KLHL7: variants seen among roughly 807,000 people sequenced by gnomAD.
KLHL7 encodes the protein kelch like family member 7, also known as kelch-like protein 7.
A neutral mutation model predicts 67.4 loss-of-function variants in KLHL7; 44 were observed. The ratio of observed to expected loss-of-function variants is 0.65; its 90% CI spans 0.51 to 0.84. The LOEUF (loss-of-function observed/expected upper bound fraction) is 0.84, where lower values mean the gene tolerates loss of function less well. Among genes scored for constraint, KLHL7 ranks in the 40% least tolerant of loss-of-function variants. The probability of loss-of-function intolerance (pLI) is 0.00; values close to 1 mark genes in which losing one functional copy is unlikely to be tolerated. For synonymous variants in KLHL7, 252 were observed against 243.3 expected (o/e 1.04, Z -0.33); for missense variants, 362 against 718.1 (o/e 0.50, Z 5.67).
chr7:23,144,489 T>A (rs879774291), intron 6 of KLHL7, among the ~76,000 whole-genome samples: 2 of 152,234 alleles, frequency 1.3e-5, no homozygotes, highest in Non-Finnish European at 2.9e-5. Flanking sequence ...TAAAATTGTC[T>A]ATACAATTAA....
At chr7:23,157,997 G>A (rs1784756890) in intron 7 of KLHL7, among the ~76,000 whole-genome samples, 1 of 152,144 alleles carries the variant, frequency 6.6e-6, no homozygotes, top group Non-Finnish European at 1.5e-5. Flanking sequence ...ACAGGGTCTT[G>A]CTCTGTCACC....
intron 4 of KLHL7, among the ~76,000 whole-genome samples, chr7:23,126,576 G>C (rs1783581846): frequency 6.6e-6 from 1 of 152,192 alleles, no homozygotes; most frequent in Non-Finnish European, 1.5e-5. Flanking sequence ...CGCAAAGACT[G>C]ATGCAAAGGG....
chr7:23,129,132 G>C (rs4440529), intron 4 of KLHL7: 77,107 of 162,348 alleles, frequency 0.47, 21,704 homozygotes, highest in African/African-American at 0.81. Context: ...CAGGTCAGAC[G>C]AAAGCCCTAC....
At chr7:23,141,064 A>G (rs978990521) in intron 5 of KLHL7, 120 bp downstream of exon 5, 9 of 898,804 alleles carry the variant, frequency 1.0e-5, no homozygotes, top group Non-Finnish European at 1.4e-5. Context: ...TGTTCTTTAC[A>G]CTAAACAGAG....
chr7:23,113,487 T>C (rs1782959389), intron 1 of KLHL7, among the ~76,000 whole-genome samples: 1 of 152,206 alleles, frequency 6.6e-6, no homozygotes, highest in Admixed American at 6.5e-5. Context: ...AAAGACTAAT[T>C]GCTGAGATTA....
At chr7:23,123,174 C>T (rs1783420005) in intron 1 of KLHL7, among the ~76,000 whole-genome samples, 1 of 152,162 alleles carries the variant, frequency 6.6e-6, no homozygotes, top group South Asian at 2.1e-4. Context: ...AAACTGGCTG[C>T]TATCCAGCTT....
intron 4 of KLHL7, among the ~76,000 whole-genome samples, chr7:23,131,300 T>C (rs115859317): frequency 0.023 from 3,569 of 152,298 alleles, 134 homozygotes; most frequent in African/African-American, 0.076. Flanking sequence ...TTTGGCCCTT[T>C]TTTCCCAGGA....
intron 1 of KLHL7, among the ~76,000 whole-genome samples, chr7:23,111,754 A>G (rs1305022477): frequency 2.8e-5 from 4 of 142,184 alleles, no homozygotes; most frequent in Non-Finnish European, 4.5e-5. Flanking sequence ...CCCGGGAGGC[A>G]GAGGTTGTGG....
rs780496430 is a variant in KLHL7 at position 23,174,007 on chromosome 7, T to C, written c.1478-8T>C. 3.1e-6 allele frequency: 5 copies of C among 1,613,432 alleles called. No individual in the cohort carries two copies. In the African/African-American group the frequency reaches 6.7e-5, roughly 22 times the overall value. On this transcript the variant is annotated splice_region_variant and splice_polypyrimidine_tract_variant and intron_variant, in intron 10 of 10. Transcript: ENST00000339077. ...TTTTCATGTTGTTCATGTTTTATTC[T>C]TTTGAAGGTGGTCTGGACAATGTGG... is the stretch of plus-strand genomic sequence containing the variant.
At chr7:23,135,719 C>G (rs1300263595) in intron 4 of KLHL7, among the ~76,000 whole-genome samples, 3 of 152,224 alleles carry the variant, frequency 2.0e-5, no homozygotes, top group Non-Finnish European at 4.4e-5. Context: ...GGCTTCCTTT[C>G]TGCTGCCCTG....
chr7:23,134,337 T>C (rs1783901715), intron 4 of KLHL7, among the ~76,000 whole-genome samples: 1 of 152,220 alleles, frequency 6.6e-6, no homozygotes, highest in South Asian at 2.1e-4. Flanking sequence ...TAATGTGTTG[T>C]TGAATTTGGT....
At chr7:23,166,686 A>G (rs540153456) in intron 8 of KLHL7, among the ~76,000 whole-genome samples, 1 of 152,304 alleles carries the variant, frequency 6.6e-6, no homozygotes, top group Non-Finnish European at 1.5e-5. Flanking sequence ...AAAAATCACT[A>G]TTTCCTAAAT....
chr7:23,121,909 G>C (rs548051545), intron 1 of KLHL7, among the ~76,000 whole-genome samples: 45 of 152,048 alleles, frequency 3.0e-4, no homozygotes, highest in Non-Finnish European at 4.4e-4. Flanking sequence ...GTCTCAATCT[G>C]CTGACCTTGT....
At chr7:23,171,119 A>T (rs1244880495) in intron 9 of KLHL7, 1 of 295,326 alleles carries the variant, frequency 3.4e-6, no homozygotes, top group Non-Finnish European at 6.9e-6. Flanking sequence ...GTTGGCCAGG[A>T]TGGCCTCCAT....
intron 8 of KLHL7, 81 bp from the exon 9 acceptor site, chr7:23,167,755 A>G: frequency 7.9e-7 from 1 of 1,271,548 alleles, no homozygotes; most frequent in South Asian, 1.2e-5. Context: ...TCCTTCCTTA[A>G]CTAATAAGAT....
At chr7:23,171,626 A>C (rs987245567) in intron 9 of KLHL7, among the ~76,000 whole-genome samples, 4 of 152,266 alleles carry the variant, frequency 2.6e-5, no homozygotes, top group African/African-American at 9.6e-5. Flanking sequence ...TTAAAACAAT[A>C]CATAAATGTA....
At chr7:23,109,499 T>G (rs1029999957) in intron 1 of KLHL7, among the ~76,000 whole-genome samples, 3 of 152,182 alleles carry the variant, frequency 2.0e-5, no homozygotes, top group Non-Finnish European at 4.4e-5. Context: ...TTCTCCACAT[T>G]AAATGAATTA....
At chr7:23,170,923 T>TG (rs1785140024) in intron 9 of KLHL7, among the ~76,000 whole-genome samples, 1 of 151,306 alleles carries the variant, frequency 6.6e-6, no homozygotes, top group African/African-American at 2.4e-5. Context: ...TTTTTTTTTT[T>TG]TGTGAGACGG....
At position 23,177,372 on chromosome 7, in the gene KLHL7, T is replaced by C. The variant is rs1269388066; in HGVS notation, c.*3074T>C. 6.6e-6 allele frequency: 1 copy of C among 152,234 alleles called. No homozygotes were observed. The highest frequency in any genetic ancestry group is 6.5e-5 in the Admixed American group (1 of 15,286). 9.4% of individuals were successfully genotyped at this position (152,234 alleles called of 1,614,324 possible). A position where few individuals can be genotyped will look rare whatever the true frequency, so the allele number is the denominator to read the frequency against. ...TTTTAAGTACACCAGCATTTCCTTT[T>C]AGGCTATGTCAATTGACTAGAACAC... On this transcript the variant is annotated 3_prime_UTR_variant, in exon 11 of 11. Coordinates refer to ENST00000339077, the MANE Select transcript of KLHL7 (RefSeq NM_001031710.3).
Sources: allele counts gnomAD v4.1 joint callset (sites outside exome capture counted in the v4.1 genomes callset), GRCh38; gene constraint gnomAD v4.1.1; transcripts MANE v1.5; gene names NCBI Gene and HGNC (gene_info 2026-07-23, HGNC 2026-07-21).